The following PALM2AKAP2 variants were observed in gnomAD, a reference collection of about 807,000 sequenced individuals.
PALM2AKAP2 encodes PALM2-AKAP2 fusion protein.
A neutral mutation model predicts 71.5 loss-of-function variants in PALM2AKAP2; 37 were observed. That is an observed-to-expected ratio of 0.52 (90% CI 0.40 to 0.68). PALM2AKAP2 has a LOEUF of 0.68. Ranked by LOEUF, PALM2AKAP2 falls within the 30% of genes least tolerant of loss-of-function variation. The pLI is 0.00. For missense variants in PALM2AKAP2, 1,224 were observed against 1,191.8 expected (o/e 1.03, Z -0.40); for synonymous variants, 468 against 478.8 (o/e 0.98, Z 0.29).
exon 2 of PALM2AKAP2, chr9:110,138,203 C>G: frequency 3.7e-6 from 6 of 1,612,618 alleles, no homozygotes; most frequent in Middle Eastern, 1.7e-4. Flanking sequence ...GGAAAGGGGG[C>G]CCCCCCAGCC....
At chr9:110,014,559 G>C (rs1832938443) in intron 6 of PALM2AKAP2, among the ~76,000 whole-genome samples, 2 of 151,578 alleles carry the variant, frequency 1.3e-5, no homozygotes, top group African/African-American at 4.8e-5. Context: ...CATCACGTGA[G>C]GTCAGGAGTT....
At chr9:110,170,013 A>C (rs889854050) in exon 4 of PALM2AKAP2, 2 of 152,670 alleles carry the variant, frequency 1.3e-5, no homozygotes, top group Non-Finnish European at 2.9e-5. Context: ...TCACAATTAC[A>C]AAGTTTTGAG....
intron 1 of PALM2AKAP2, among the ~76,000 whole-genome samples, chr9:110,135,374 A>C (rs1332699324): frequency 1.4e-5 from 2 of 147,552 alleles, no homozygotes; most frequent in African/African-American, 2.5e-5. Flanking sequence ...AAAAAGAAAA[A>C]TATGATGGGT....
At chr9:109,872,560 G>A (rs1034351527) in intron 2 of PALM2AKAP2, among the ~76,000 whole-genome samples, 10 of 152,134 alleles carry the variant, frequency 6.6e-5, no homozygotes, top group Admixed American at 3.3e-4. Context: ...CATGAGCGGG[G>A]AACCCTCACT....
intron 1 of PALM2AKAP2, among the ~76,000 whole-genome samples, chr9:109,736,592 A>C (rs1054888256): frequency 1.3e-5 from 2 of 151,936 alleles, no homozygotes; most frequent in Non-Finnish European, 2.9e-5. Flanking sequence ...TATATTTTAA[A>C]ATTTAATTTA....
chr9:109,934,646 C>T lies in PALM2AKAP2; in HGVS notation c.496+2618C>T, dbSNP rs577345452. On this transcript the variant is annotated intron_variant, in intron 6 of 9. Coordinates refer to the PALM2AKAP2 transcript ENST00000302798. ...TGCTCACCCCCAAAATAGAGCACGA[C>T]GCTGCAGACCACATGGCTGACTTTG... Among the ~76,000 whole-genome samples the T allele has an allele frequency of 5.9e-5, 9 of 152,288 alleles. No individual in the cohort carries two copies. In the South Asian group the frequency reaches 8.3e-4, roughly 14 times the overall value.
chr9:109,756,586 G>A (rs539420586), intron 1 of PALM2AKAP2, among the ~76,000 whole-genome samples: 1 of 152,258 alleles, frequency 6.6e-6, no homozygotes, highest in South Asian at 2.1e-4. Flanking sequence ...TTTTCACCCT[G>A]AAATTAGGTG....
In PALM2AKAP2 at chr9:109,898,925, A is replaced by G. The variant is rs114073152; in HGVS notation, c.257+18244A>G. Among the ~76,000 whole-genome samples the G allele has an allele frequency of 3.4e-3, 518 of 152,296 alleles. 5 individuals are homozygous for G. Among genetic ancestry groups the G allele is most frequent in the African/African-American group, 0.012 (500 of 41,556 alleles). ...AATGCTCCCTATTTCTTCTTGAAAC[A>G]CACTCTCTCCTTGTTTACTTGAGAT... On this transcript the variant is annotated intron_variant, in intron 3 of 9. Transcript: ENST00000302798.
At chr9:109,659,748 T>TA (rs1827361795) in intron 1 of PALM2AKAP2, among the ~76,000 whole-genome samples, 1 of 152,188 alleles carries the variant, frequency 6.6e-6, no homozygotes, top group Admixed American at 6.5e-5. Flanking sequence ...ATTGCTCCAC[T>TA]AAAAAACTTT....
intron 6 of PALM2AKAP2, among the ~76,000 whole-genome samples, chr9:109,974,442 CA>C (rs1832131521): frequency 6.6e-6 from 1 of 151,746 alleles, no homozygotes. Flanking sequence ...CACTCAGAGC[CA>C]TGCATGCTGA....
intron 3 of PALM2AKAP2, 131 bp from the exon 11 acceptor site, chr9:110,168,268 C>A: frequency 8.9e-7 from 1 of 1,117,422 alleles, no homozygotes; most frequent in Non-Finnish European, 1.2e-6. Context: ...TCTCTCCTAT[C>A]TCCCAGCAGT....
chr9:109,933,589 T>A (rs1256295064), intron 6 of PALM2AKAP2, among the ~76,000 whole-genome samples: 2 of 152,256 alleles, frequency 1.3e-5, no homozygotes, highest in Non-Finnish European at 2.9e-5. Context: ...AATGTGATTG[T>A]AGTGCTGTGT....
intron 1 of PALM2AKAP2, among the ~76,000 whole-genome samples, chr9:109,761,514 C>G (rs1403817636): frequency 6.6e-6 from 1 of 152,176 alleles, no homozygotes; most frequent in Non-Finnish European, 1.5e-5. Context: ...TCCTAATACT[C>G]TCCCTCCCCT....
intron 1 of PALM2AKAP2, among the ~76,000 whole-genome samples, chr9:109,821,313 C>A (rs1219550388): frequency 1.3e-5 from 2 of 152,074 alleles, no homozygotes; most frequent in Admixed American, 6.6e-5. Context: ...CACATGTACC[C>A]TAGAACTGAA....
intron 3 of PALM2AKAP2, among the ~76,000 whole-genome samples, chr9:110,166,685 G>A (rs552468123): frequency 5.3e-5 from 8 of 152,216 alleles, no homozygotes; most frequent in East Asian, 3.9e-4. Flanking sequence ...TTCAGCAAAC[G>A]TGACTGAGGA....
At chr9:110,123,803 C>T (rs1036382527) in intron 1 of PALM2AKAP2, among the ~76,000 whole-genome samples, 4 of 152,152 alleles carry the variant, frequency 2.6e-5, no homozygotes, top group African/African-American at 9.7e-5. Context: ...GTCCCGGGTG[C>T]CCCTCTTGCA....
chr9:109,996,214 T>G (rs1482398273), intron 6 of PALM2AKAP2, among the ~76,000 whole-genome samples: 2 of 152,220 alleles, frequency 1.3e-5, no homozygotes, highest in Non-Finnish European at 2.9e-5. Context: ...GTTAAATATG[T>G]TTCCAGCCTA....
intron 7 of PALM2AKAP2, among the ~76,000 whole-genome samples, chr9:110,031,787 A>G (rs949072422): frequency 1.3e-5 from 2 of 152,204 alleles, no homozygotes; most frequent in African/African-American, 2.4e-5. Context: ...AGACATGCTA[A>G]GGAGGTCTTC....
At chr9:109,653,628 G>T (rs1479073333) in intron 1 of PALM2AKAP2, among the ~76,000 whole-genome samples, 1 of 152,184 alleles carries the variant, frequency 6.6e-6, no homozygotes, top group East Asian at 1.9e-4. Flanking sequence ...ATGTTGAAAA[G>T]CAGATCCTGA....
Sources: gnomAD v4.1 joint callset for allele counts (sites outside exome capture counted in the v4.1 genomes callset) on GRCh38, gnomAD v4.1.1 for gene constraint, MANE v1.5 for transcripts, NCBI Gene and HGNC (gene_info 2026-07-23, HGNC 2026-07-21) for gene names.